The following SLC8A1 variants were observed in gnomAD, a reference collection of about 807,000 sequenced individuals.
SLC8A1 encodes sodium/calcium exchanger 1.
A neutral mutation model predicts 68.3 loss-of-function variants in SLC8A1; 18 were observed. The observed-to-expected ratio is 0.26, with a 90% CI of 0.18 to 0.39. The LOEUF (loss-of-function observed/expected upper bound fraction) is 0.39. SLC8A1 is among the 10% of genes least tolerant of loss of function. The pLI, the probability that SLC8A1 is intolerant of heterozygous loss-of-function variation, is 1.00. For synonymous variants in SLC8A1, 475 were observed against 415.5 expected (o/e 1.14, Z -1.74); for missense variants, 985 against 1,156.7 (o/e 0.85, Z 2.15).
At chr2:40,112,405 A>G (rs1035543966) in exon 8 of SLC8A1, 4 of 151,672 alleles carry the variant, frequency 2.6e-5, no homozygotes, top group Non-Finnish European at 5.9e-5. Flanking sequence ...AATAATAACA[A>G]TCCTGAACAA....
At chr2:40,489,836 C>T (rs1705203160) in intron 1 of SLC8A1, among the ~76,000 whole-genome samples, 2 of 151,980 alleles carry the variant, frequency 1.3e-5, no homozygotes, top group Admixed American at 6.6e-5. Flanking sequence ...AGGAACAATC[C>T]CCAAACTTTA....
chr2:40,339,965 T>C (rs1406178984), intron 2 of SLC8A1, among the ~76,000 whole-genome samples: 1 of 152,204 alleles, frequency 6.6e-6, no homozygotes, highest in Non-Finnish European at 1.5e-5. Flanking sequence ...ATTTCATCAC[T>C]GCATGACTTT....
intron 2 of SLC8A1, among the ~76,000 whole-genome samples, chr2:40,292,134 G>A (rs1036551859): frequency 2.0e-5 from 3 of 152,084 alleles, no homozygotes; most frequent in African/African-American, 7.2e-5. Context: ...TTTAAAAAGA[G>A]GGAGGAAAAA....
intron 6 of SLC8A1, among the ~76,000 whole-genome samples, chr2:40,159,122 C>T (rs1195547322): frequency 2.6e-5 from 4 of 152,168 alleles, no homozygotes; most frequent in African/African-American, 7.2e-5. Context: ...GGGGTCATCT[C>T]GGCCATCTCT....
At chr2:40,300,828 T>C (rs1161969323) in intron 2 of SLC8A1, among the ~76,000 whole-genome samples, 1 of 152,168 alleles carries the variant, frequency 6.6e-6, no homozygotes, top group South Asian at 2.1e-4. Flanking sequence ...CAGAATGATC[T>C]TAAAAATCCA....
intron 5 of SLC8A1, among the ~76,000 whole-genome samples, chr2:40,161,759 C>A (rs1164372074): frequency 3.9e-5 from 6 of 152,176 alleles, no homozygotes; most frequent in Admixed American, 1.3e-4. Context: ...GGCTGCTCAT[C>A]CCAAGAAACT....
intron 2 of SLC8A1, among the ~76,000 whole-genome samples, chr2:40,380,821 T>C (rs1206690607): frequency 1.3e-5 from 2 of 152,068 alleles, no homozygotes; most frequent in Non-Finnish European, 2.9e-5. Flanking sequence ...GCCTCCCTAC[T>C]AAAATGAGGG....
chr2:40,405,802 A>T (rs1690153717), intron 2 of SLC8A1, among the ~76,000 whole-genome samples: 1 of 152,160 alleles, frequency 6.6e-6, no homozygotes, highest in African/African-American at 2.4e-5. Flanking sequence ...CGGGCAATCC[A>T]TGCAACACTC....
chr2:40,347,554 C>T (rs1669740208), intron 2 of SLC8A1, among the ~76,000 whole-genome samples: 1 of 152,148 alleles, frequency 6.6e-6, no homozygotes, highest in South Asian at 2.1e-4. Context: ...GCAAAATAAG[C>T]ATAATACCCA....
intron 7 of SLC8A1, among the ~76,000 whole-genome samples, chr2:40,131,509 G>T (rs969825368): frequency 6.6e-6 from 1 of 152,200 alleles, no homozygotes; most frequent in African/African-American, 2.4e-5. Flanking sequence ...TGTGATGAGT[G>T]GGCATTTTTG....
intron 2 of SLC8A1, among the ~76,000 whole-genome samples, chr2:40,369,434 G>C (rs191798641): frequency 1.3e-4 from 20 of 152,168 alleles, no homozygotes; most frequent in Admixed American, 9.2e-4. Context: ...AATCTCTCTT[G>C]TTAACATGCA....
At chr2:40,211,349 G>A (rs399061) in intron 2 of SLC8A1, among the ~76,000 whole-genome samples, 24,677 of 152,174 alleles carry the variant, frequency 0.16, 2,517 homozygotes, top group African/African-American at 0.27. Flanking sequence ...TGAGAAGCCA[G>A]TAGGACTTCA....
intron 5 of SLC8A1, among the ~76,000 whole-genome samples, chr2:40,161,496 G>C (rs182643055): frequency 6.6e-6 from 1 of 152,216 alleles, no homozygotes; most frequent in East Asian, 1.9e-4. Context: ...TTATGGTTTA[G>C]GGCACGTTGC....
chr2:40,497,424 C>T (rs957145182), intron 1 of SLC8A1, among the ~76,000 whole-genome samples: 5 of 151,926 alleles, frequency 3.3e-5, no homozygotes, highest in Non-Finnish European at 7.4e-5. Flanking sequence ...TAGAAAAATA[C>T]ATGTTGACAA....
At chr2:40,482,740 A>C (rs1002883575) in intron 1 of SLC8A1, among the ~76,000 whole-genome samples, 6 of 151,496 alleles carry the variant, frequency 4.0e-5, no homozygotes, top group African/African-American at 1.5e-4. Flanking sequence ...TCTGAAACCC[A>C]GAGAGACAAT....
In SLC8A1 at chr2:40,233,536, T is replaced by C. The variant is rs1313052062; in HGVS notation, c.1809-55681A>G. 2.1e-5 allele frequency among the ~76,000 whole-genome samples: 3 copies of C among 140,858 alleles called. No individual in the cohort carries two copies. The Admixed American group carries it at 2.2e-4, about 10-fold the overall frequency. 92.4% of individuals were successfully genotyped at this position (140,858 alleles called of 152,430 possible). A position where few individuals can be genotyped will look rare whatever the true frequency, so the allele number is the denominator to read the frequency against. ...AGTAGGTTGCGAAAATTTTCTCCCA[T>C]TCTGTAGGTTGCCTGTTCTCTCTGA... On this transcript the variant is annotated intron_variant, in intron 2 of 7. Coordinates refer to ENST00000406785, the Ensembl canonical transcript of SLC8A1.
intron 1 of SLC8A1, among the ~76,000 whole-genome samples, chr2:40,489,972 C>G (rs895205639): frequency 1.3e-5 from 2 of 152,106 alleles, no homozygotes; most frequent in African/African-American, 2.4e-5. Flanking sequence ...TGATGATACA[C>G]TGCTAACATT....
At chr2:40,439,023 G>C (rs1700000191) in intron 1 of SLC8A1, among the ~76,000 whole-genome samples, 1 of 152,054 alleles carries the variant, frequency 6.6e-6, no homozygotes, top group African/African-American at 2.4e-5. Flanking sequence ...TGTCAGCTGT[G>C]CTTTCCCTCT....
At chr2:40,189,352 G>A (rs1205725632) in intron 2 of SLC8A1, among the ~76,000 whole-genome samples, 3 of 152,074 alleles carry the variant, frequency 2.0e-5, no homozygotes, top group Admixed American at 6.6e-5. Flanking sequence ...ACGGAGTCTC[G>A]CTCTGTCGCC....
Sources: gnomAD v4.1 joint callset for allele counts (sites outside exome capture counted in the v4.1 genomes callset) on GRCh38, gnomAD v4.1.1 for gene constraint, MANE v1.5 for transcripts, NCBI Gene and HGNC (gene_info 2026-07-23, HGNC 2026-07-21) for gene names.